Variants in PXN observed in about 807,000 individuals in gnomAD.
PXN encodes testicular tissue protein Li 134.
PXN carries 61 observed loss-of-function variants against 103.6 expected under a neutral mutation model. The observed-to-expected ratio is 0.59, with a 90% CI of 0.48 to 0.73. The LOEUF (loss-of-function observed/expected upper bound fraction) is 0.73. Among genes scored for constraint, PXN ranks in the 30% least tolerant of loss-of-function variants. The probability of loss-of-function intolerance (pLI) is 0.00; values close to 1 mark genes in which losing one functional copy is unlikely to be tolerated. For synonymous variants in PXN, 562 were observed against 607.8 expected (o/e 0.92, Z 1.11); for missense variants, 1,274 against 1,460.3 (o/e 0.87, Z 2.08).
intron 1 of PXN, chr12:120,227,034 T>C: frequency 1.0e-6 from 1 of 986,762 alleles, no homozygotes; most frequent in South Asian, 4.6e-5. Flanking sequence ...GAGAGCAGTG[T>C]AGGTAGGATG....
In PXN at chr12:120,222,773, G is replaced by C. The variant is rs753547240; in HGVS notation, c.494-23C>G. ...CATCTTGCAGAGAGGAGAGAAAAAG[G>C]CTGCTCAGCCCTTGAGCCCTCCTGG... On this transcript the variant is annotated intron_variant, in intron 4 of 14. Coordinates refer to ENST00000637617, the MANE Select transcript of PXN (RefSeq NM_001385981.1). The surrounding 1 kb of genome is among the most constrained non-coding windows in gnomAD (Gnocchi z 4.7). The C allele has an allele frequency of 9.4e-6, 15 of 1,599,304 alleles. No individual in the cohort carries two copies. The East Asian group carries it at 3.4e-4, about 36-fold the overall frequency.
chr12:120,260,751 A>T (rs1893755279), intron 1 of PXN, among the ~76,000 whole-genome samples: 1 of 152,234 alleles, frequency 6.6e-6, no homozygotes, highest in Admixed American at 6.5e-5. Context: ...ACATTGCTTG[A>T]GGCCAGGTGT....
At chr12:120,231,826 G>A (rs1009434488) in intron 1 of PXN, among the ~76,000 whole-genome samples, 4 of 152,194 alleles carry the variant, frequency 2.6e-5, no homozygotes, top group Non-Finnish European at 4.4e-5. Flanking sequence ...AACTGTGCCA[G>A]GCCCATCTGC....
Position 120,219,791 on chromosome 12 carries a change from C to A in PXN, c.1132G>T (p.Glu378Ter). The A allele has an allele frequency of 6.3e-7, 1 of 1,598,294 alleles. No individual in the cohort carries two copies. Among genetic ancestry groups the A allele is most frequent in the Non-Finnish European group, 8.5e-7 (1 of 1,179,738 alleles). Residue 378 changes from glutamate to a stop codon, truncating the protein, a stop_gained, in exon 7 of 15, where the codon GAG becomes TAG. Transcript: ENST00000637617. LOFTEE classifies it high-confidence loss of function. The surrounding 1 kb of genome is among the most constrained non-coding windows in gnomAD (Gnocchi z 6.5). ...TGCCTCCAATCTCGACCCTGACTCTCTGTGCCCACTGCCCACAGAGAACCC... is the reference window on the plus strand; with the variant it reads ...TGCCTCCAATCTCGACCCTGACTCTATGTGCCCACTGCCCACAGAGAACCC... Reference protein sequence around the residue: ...VEGSLWAVGTESQGRDWRHLP... With the variant: ...VEGSLWAVGT
Position 120,216,153 on chromosome 12 carries a change from G to A in PXN, c.2301+120C>T. The A allele has an allele frequency of 3.2e-6, 4 of 1,269,614 alleles. No homozygotes were observed. In the East Asian group the frequency reaches 1.2e-4, roughly 39 times the overall value. 78.6% of individuals were successfully genotyped at this position (1,269,614 alleles called of 1,614,324 possible). On this transcript the variant is annotated intron_variant, in intron 9 of 14. Transcript: ENST00000637617. This position sits in a 1 kb window ranked among gnomAD's most constrained non-coding sequence, Gnocchi z 5.1. ...GACTGTGGTTACTGTGCTGGGGCTT[G>A]TAGATGGAGGGATGGAGGGTATCTG... is the stretch of plus-strand genomic sequence containing the variant.
intron 1 of PXN, among the ~76,000 whole-genome samples, chr12:120,261,543 C>G (rs1431021953): frequency 6.6e-6 from 1 of 152,018 alleles, no homozygotes; most frequent in African/African-American, 2.4e-5. Context: ...CCCGGAAAGG[C>G]TGCAATGAGG....
chr12:120,234,739 G>A (rs961727342), intron 1 of PXN, among the ~76,000 whole-genome samples: 1 of 152,144 alleles, frequency 6.6e-6, no homozygotes, highest in Non-Finnish European at 1.5e-5. Flanking sequence ...ACCTCATAGC[G>A]CACAGTGAGT....
At chr12:120,262,914 T>C (rs749247375) in intron 1 of PXN, among the ~76,000 whole-genome samples, 1 of 152,156 alleles carries the variant, frequency 6.6e-6, no homozygotes, top group Non-Finnish European at 1.5e-5. Flanking sequence ...TGTGTTGATA[T>C]TTTTCTGCTC....
chr12:120,245,603 C>T (rs758435933), intron 1 of PXN, among the ~76,000 whole-genome samples: 2 of 151,478 alleles, frequency 1.3e-5, no homozygotes, highest in African/African-American at 2.4e-5. Flanking sequence ...CTGGCTAACA[C>T]GGTGAAACCC....
chr12:120,244,495 A>G (rs1315742997), intron 1 of PXN, among the ~76,000 whole-genome samples: 2 of 152,006 alleles, frequency 1.3e-5, no homozygotes, highest in Non-Finnish European at 2.9e-5. Context: ...AAATACAAAA[A>G]AAATTAGCCA....
In PXN at chr12:120,265,248, C is replaced by G. The variant is rs1019708742; in HGVS notation, c.13+369G>C. Among the ~76,000 whole-genome samples the G allele has an allele frequency of 6.6e-6, 1 of 151,908 alleles. No individual in the cohort carries two copies. Among genetic ancestry groups the G allele is most frequent in the African/African-American group, 2.4e-5 (1 of 41,342 alleles). ...GGAGAGGTCTGCGAGGTGAGGGTCC[C>G]GTAGCTGACGAGGTGGTCTGCCGCA... On this transcript the variant is annotated intron_variant, in intron 1 of 14. Coordinates refer to ENST00000637617, the MANE Select transcript of PXN (RefSeq NM_001385981.1). The surrounding 1 kb of genome is among the most constrained non-coding windows in gnomAD (Gnocchi z 5.7).
At chr12:120,226,431 C>A (rs1418034506) in intron 1 of PXN, 1 of 1,288,924 alleles carries the variant, frequency 7.8e-7, no homozygotes, top group African/African-American at 1.5e-5. Flanking sequence ...ACATCCCACA[C>A]TGCCAAGGCT....
chr12:120,262,779 C>G lies in PXN; in HGVS notation c.13+2838G>C, dbSNP rs114693885. ...TGTGGGAACTCTGTCCAGGAAACTC[C>G]GGCCAGAACTTGAACAGAGCGAACT... is the stretch of plus-strand genomic sequence containing the variant. On this transcript the variant is annotated intron_variant, in intron 1 of 14. Transcript: ENST00000637617. Among the ~76,000 whole-genome samples, 6 of 152,236 alleles carry G rather than the reference C, an allele frequency of 3.9e-5. No homozygotes were observed. In the East Asian group the frequency reaches 1.2e-3, roughly 29 times the overall value.
At position 120,223,709 on chromosome 12, in the gene PXN, GGGC is replaced by G; in HGVS notation, c.356+6_356+8del. 1 of 1,561,568 alleles carries G rather than the reference GGGC, an allele frequency of 6.4e-7. No homozygotes were observed. On this transcript the variant is annotated splice_donor_region_variant and intron_variant, in intron 3 of 14. Coordinates refer to ENST00000637617, the MANE Select transcript of PXN (RefSeq NM_001385981.1). The stretch of plus-strand genomic sequence containing the variant: ...GAGGGAAGGTGCCCTGGGCAGACTG[GGGC>G]AGTACCTGTAGACGTGCTCCTCCTC...
rs777423522 is a variant in PXN, at chr12:120,212,275, G to A, written c.*39C>T. Reference sequence around the variant, plus strand: ...CTAGGTCACAGTCGCAGTTGGGGATGCTGGCTGGGGAAGGGGGGCAGAGAC... The same window carrying A: ...CTAGGTCACAGTCGCAGTTGGGGATACTGGCTGGGGAAGGGGGGCAGAGAC... On this transcript the variant is annotated 3_prime_UTR_variant, in exon 15 of 15. Coordinates refer to ENST00000637617, the MANE Select transcript of PXN (RefSeq NM_001385981.1). This position sits in a 1 kb window ranked among gnomAD's most constrained non-coding sequence, Gnocchi z 7.2. 1 of 1,596,038 alleles carries A rather than the reference G, an allele frequency of 6.3e-7. No individual in the cohort carries two copies. The highest frequency in any genetic ancestry group is 2.2e-5 in the East Asian group (1 of 44,636).
At chr12:120,255,551 G>A (rs1892863274) in intron 1 of PXN, among the ~76,000 whole-genome samples, 1 of 152,116 alleles carries the variant, frequency 6.6e-6, no homozygotes, top group Non-Finnish European at 1.5e-5. Flanking sequence ...AAAATTAGCT[G>A]GGCATGGTGG....
intron 1 of PXN, among the ~76,000 whole-genome samples, chr12:120,253,230 T>A (rs1407443968): frequency 6.6e-6 from 1 of 152,130 alleles, no homozygotes; most frequent in Non-Finnish European, 1.5e-5. Flanking sequence ...CCCAGCTCTT[T>A]GGAAGGCCAA....
At position 120,219,597 on chromosome 12, in the gene PXN, C is replaced by G. The variant is rs1352056507; in HGVS notation, c.1326G>C (p.Glu442Asp). ...AATWEQPWAS[E>D]VFGPERMPPS... ...GGGGCATTCTCTCAGGCCCGAATAC[C>G]TCCGAAGCCCATGGCTGCTCCCATG... Residue 442 changes from glutamate to aspartate, a missense_variant, in exon 7 of 15, where the codon GAG becomes GAC. Glu to Asp is a conservative substitution (Grantham distance 45). Around this residue, in one of 2 missense-constraint regions of PXN, gnomAD observed 1,178 missense variants for 1,309.0 expected, o/e 0.90. Coordinates refer to ENST00000637617, the MANE Select transcript of PXN (RefSeq NM_001385981.1). This position sits in a 1 kb window ranked among gnomAD's most constrained non-coding sequence, Gnocchi z 6.5. 2 of 1,565,182 alleles carry G rather than the reference C, an allele frequency of 1.3e-6. No individual in the cohort carries two copies. Among genetic ancestry groups the G allele is most frequent in the South Asian group, 2.3e-5 (2 of 87,526 alleles).
Position 120,224,662 on chromosome 12 carries a change from G to A in PXN, c.14-285C>T, listed in dbSNP as rs140613160. 1.6e-3 allele frequency: 1,056 copies of A among 650,660 alleles called. 8 individuals are homozygous for A. In the African/African-American group the frequency reaches 0.017, roughly 10 times the overall value. 40.3% of individuals were successfully genotyped at this position (650,660 alleles called of 1,614,324 possible). On this transcript the variant is annotated intron_variant, in intron 1 of 14. Transcript: ENST00000637617. This position sits in a 1 kb window ranked among gnomAD's most constrained non-coding sequence, Gnocchi z 5.0. The stretch of plus-strand genomic sequence containing the variant: ...TCCTACCTCTGGGAGTCAGGCACCT[G>A]GCACTGCGTTCCCTCCTGACAGGGC...
Sources: allele counts gnomAD v4.1 joint callset (sites outside exome capture counted in the v4.1 genomes callset), GRCh38; gene constraint gnomAD v4.1.1; regional missense constraint gnomAD v4.1.1; non-coding constraint Gnocchi (gnomAD v3.1); transcripts MANE v1.5; gene names NCBI Gene and HGNC (gene_info 2026-07-23, HGNC 2026-07-21).